NPAS3: variants seen among roughly 807,000 people sequenced by gnomAD.
The protein encoded by NPAS3 is neuronal PAS domain protein 3, also known as neuronal PAS domain-containing protein 3.
NPAS3 carries 14 observed loss-of-function variants against 73.1 expected under a neutral mutation model. The observed-to-expected ratio is 0.19, with a 90% CI of 0.13 to 0.30. The LOEUF is 0.30. Among genes scored for constraint, NPAS3 ranks in the 10% least tolerant of loss-of-function variants. NPAS3 has a pLI of 1.00. For synonymous variants in NPAS3, 620 were observed against 541.5 expected, an observed-to-expected ratio of 1.14 and a Z score of -2.01; for missense variants, 1,096 against 1,250.0, an observed-to-expected ratio of 0.88 and a Z score of 1.86.
chr14:33,657,103 C>G (rs1369360071), intron 5 of NPAS3, among the ~76,000 whole-genome samples: 1 of 152,136 alleles, frequency 6.6e-6, no homozygotes, highest in Non-Finnish European at 1.5e-5. Context: ...AGTGAAATAA[C>G]AGCAGACACA....
intron 9 of NPAS3, among the ~76,000 whole-genome samples, chr14:33,792,340 T>C (rs750567697): frequency 2.6e-5 from 4 of 152,068 alleles, no homozygotes; most frequent in Admixed American, 2.0e-4. Context: ...AAGTGAGGCT[T>C]TTTCAAGTAA....
chr14:33,426,688 A>C (rs78443237), intron 4 of NPAS3, among the ~76,000 whole-genome samples: 2,931 of 152,136 alleles, frequency 0.019, 100 homozygotes, highest in African/African-American at 0.066. Flanking sequence ...GGGGAGGGTT[A>C]GTCTATGAGC....
At chr14:33,537,900 G>A (rs1309378170) in intron 4 of NPAS3, among the ~76,000 whole-genome samples, 1 of 152,178 alleles carries the variant, frequency 6.6e-6, no homozygotes, top group African/African-American at 2.4e-5. Flanking sequence ...TCGCCTTGAC[G>A]ATCTGAGCTA....
At chr14:33,178,064 A>G (rs932525571) in intron 2 of NPAS3, among the ~76,000 whole-genome samples, 2 of 146,820 alleles carry the variant, frequency 1.4e-5, no homozygotes, top group African/African-American at 5.0e-5. Context: ...ATAGGCATTG[A>G]AGTGAATTTT....
At chr14:33,320,764 G>C (rs1381511404) in intron 3 of NPAS3, among the ~76,000 whole-genome samples, 1 of 152,184 alleles carries the variant, frequency 6.6e-6, no homozygotes, top group African/African-American at 2.4e-5. Context: ...CCATACATAA[G>C]TAGGGAAATT....
intron 3 of NPAS3, among the ~76,000 whole-genome samples, chr14:33,231,602 C>G (rs2139775158): frequency 6.6e-6 from 1 of 152,138 alleles, no homozygotes; most frequent in East Asian, 1.9e-4. Flanking sequence ...ACATGCTGCT[C>G]TTTATAGCAA....
At chr14:33,132,292 C>T (rs1389221060) in intron 2 of NPAS3, among the ~76,000 whole-genome samples, 1 of 152,060 alleles carries the variant, frequency 6.6e-6, no homozygotes, top group Non-Finnish European at 1.5e-5. Context: ...GTTGTTCTAG[C>T]TTGGGCTTCT....
intron 3 of NPAS3, among the ~76,000 whole-genome samples, chr14:33,354,870 C>T (rs759618155): frequency 6.6e-6 from 1 of 152,130 alleles, no homozygotes; most frequent in Non-Finnish European, 1.5e-5. Context: ...GTCAACTCAT[C>T]GTCATTTATT....
intron 3 of NPAS3, among the ~76,000 whole-genome samples, chr14:33,347,262 T>C (rs1326162656): frequency 6.6e-6 from 1 of 152,220 alleles, no homozygotes; most frequent in African/African-American, 2.4e-5. Flanking sequence ...GGGTTATTTG[T>C]ATAATATCAG....
chr14:33,450,228 A>C (rs2049727381), intron 4 of NPAS3, among the ~76,000 whole-genome samples: 1 of 152,082 alleles, frequency 6.6e-6, no homozygotes, highest in South Asian at 2.1e-4. Context: ...TAAAGCATCT[A>C]ACGTGATGTT....
At chr14:33,764,561 T>C (rs542158894) in intron 7 of NPAS3, among the ~76,000 whole-genome samples, 205 of 152,356 alleles carry the variant, frequency 1.3e-3, no homozygotes, top group African/African-American at 4.3e-3. Context: ...GCAGTTTTTC[T>C]TCCTTGCCTG....
At chr14:33,391,187 C>CT (rs370631048) in intron 4 of NPAS3, among the ~76,000 whole-genome samples, 18,634 of 109,684 alleles carry the variant, frequency 0.17, 1,972 homozygotes, top group East Asian at 0.39. Context: ...TGGCCCATAT[C>CT]TTTTTTTTTT....
At chr14:33,782,455 C>T (rs1412518936) in intron 9 of NPAS3, among the ~76,000 whole-genome samples, 1 of 152,188 alleles carries the variant, frequency 6.6e-6, no homozygotes, top group Non-Finnish European at 1.5e-5. Flanking sequence ...TCTTTATTCC[C>T]ATTTAATCCA....
At chr14:33,793,558 C>T (rs1485216073) in intron 9 of NPAS3, among the ~76,000 whole-genome samples, 1 of 152,138 alleles carries the variant, frequency 6.6e-6, no homozygotes, top group African/African-American at 2.4e-5. Flanking sequence ...CCTTTCTTAC[C>T]ATCTGATGTC....
chr14:33,092,565 T>C (rs1284737965), intron 2 of NPAS3, among the ~76,000 whole-genome samples: 1 of 152,222 alleles, frequency 6.6e-6, no homozygotes, highest in African/African-American at 2.4e-5. Context: ...ATAGATTCAA[T>C]GCCATCCCCA....
intron 6 of NPAS3, among the ~76,000 whole-genome samples, chr14:33,678,323 G>T (rs1027088824): frequency 6.6e-6 from 1 of 152,108 alleles, no homozygotes; most frequent in Non-Finnish European, 1.5e-5. Flanking sequence ...CTGATCCAAG[G>T]TCTGCCCTCT....
intron 5 of NPAS3, among the ~76,000 whole-genome samples, chr14:33,576,424 G>T (rs1230971543): frequency 6.6e-6 from 1 of 152,166 alleles, no homozygotes; most frequent in Admixed American, 6.5e-5. Flanking sequence ...TGACTAGCTT[G>T]TTGAATGATG....
chr14:33,663,944 GT>G, intron 5 of NPAS3, among the ~76,000 whole-genome samples: 1 of 150,800 alleles, frequency 6.6e-6, no homozygotes, highest in Non-Finnish European at 1.5e-5. Flanking sequence ...CTCTTTATCA[GT>G]CTGGCTAGTG....
At chr14:33,299,146 T>G (rs963618476) in intron 3 of NPAS3, among the ~76,000 whole-genome samples, 3 of 152,162 alleles carry the variant, frequency 2.0e-5, no homozygotes, top group Admixed American at 6.5e-5. Context: ...TAAGCTGAGG[T>G]ATAAGTGAAT....
Sources: allele counts gnomAD v4.1 joint callset (sites outside exome capture counted in the v4.1 genomes callset), GRCh38; gene constraint gnomAD v4.1.1; transcripts MANE v1.5; gene names NCBI Gene and HGNC (gene_info 2026-07-23, HGNC 2026-07-21).